The following DGKI variants were observed in gnomAD, a reference collection of about 807,000 sequenced individuals.
The protein encoded by DGKI is DAG kinase iota.
A neutral mutation model predicts 147.5 loss-of-function variants in DGKI; 55 were observed. The observed-to-expected ratio is 0.37, with a 90% CI of 0.30 to 0.47. The LOEUF is 0.47. Ranked by LOEUF, DGKI falls within the 20% of genes least tolerant of loss-of-function variation. The pLI, the probability that DGKI is intolerant of heterozygous loss-of-function variation, is 1.00. For synonymous variants in DGKI, 469 were observed against 477.1 expected, an observed-to-expected ratio of 0.98 and a Z score of 0.22; for missense variants, 1,007 against 1,323.8, an observed-to-expected ratio of 0.76 and a Z score of 3.71.
intron 21 of DGKI, among the ~76,000 whole-genome samples, chr7:137,519,633 T>C (rs931569218): frequency 1.3e-5 from 2 of 152,106 alleles, no homozygotes; most frequent in Non-Finnish European, 2.9e-5. Flanking sequence ...ACCTCATATA[T>C]GGACTTAAGC....
intron 1 of DGKI, among the ~76,000 whole-genome samples, chr7:137,831,313 T>G (rs1440593430): frequency 6.6e-6 from 1 of 152,206 alleles, no homozygotes; most frequent in East Asian, 1.9e-4. Context: ...TGATCTGTAT[T>G]AGTCCGTTTT....
At chr7:137,424,199 T>C (rs1328848662) in intron 28 of DGKI, among the ~76,000 whole-genome samples, 2 of 152,228 alleles carry the variant, frequency 1.3e-5, no homozygotes, top group East Asian at 1.9e-4. Flanking sequence ...AGAAGAATTG[T>C]TATGTAAATG....
intron 1 of DGKI, chr7:137,843,250 G>A (rs1585560545): frequency 5.7e-6 from 1 of 174,366 alleles, no homozygotes; most frequent in Non-Finnish European, 1.1e-5. Context: ...TTATTGTACT[G>A]ACTTATATGG....
At chr7:137,629,037 A>G (rs7794996) in intron 6 of DGKI, among the ~76,000 whole-genome samples, 1 of 152,098 alleles carries the variant, frequency 6.6e-6, no homozygotes, top group Admixed American at 6.5e-5. Context: ...TATTCCTCCT[A>G]CCTCCAAAAC....
chr7:137,552,754 C>CA (rs60665502), intron 19 of DGKI, among the ~76,000 whole-genome samples, 186 bp from the exon 20 acceptor site: 5,524 of 120,048 alleles, frequency 0.046, 176 homozygotes, highest in South Asian at 0.091. Flanking sequence ...ACTAAAAATA[C>CA]AAAAAAAAAA....
At chr7:137,475,964 G>T (rs1815156507) in intron 23 of DGKI, among the ~76,000 whole-genome samples, 2 of 152,046 alleles carry the variant, frequency 1.3e-5, no homozygotes, top group Admixed American at 1.3e-4. Context: ...CAAATGGAAG[G>T]CTCAATTCAC....
chr7:137,562,895 C>A (rs1391243560), intron 19 of DGKI, among the ~76,000 whole-genome samples: 1 of 152,074 alleles, frequency 6.6e-6, no homozygotes, highest in African/African-American at 2.4e-5. Context: ...AAGAGAATGT[C>A]ATTTCTTGTC....
chr7:137,490,189 C>A (rs1397782446), intron 21 of DGKI, among the ~76,000 whole-genome samples: 3 of 152,124 alleles, frequency 2.0e-5, no homozygotes, highest in African/African-American at 7.2e-5. Flanking sequence ...AAGAAGGTGG[C>A]AATATGCAGT....
At position 137,766,193 on chromosome 7, in the gene DGKI, C is replaced by T. The variant is rs535508681; in HGVS notation, c.402-76191G>A. Among the ~76,000 whole-genome samples, 5 of 152,262 alleles carry T rather than the reference C, an allele frequency of 3.3e-5. No individual in the cohort carries two copies. The South Asian group carries it at 1.0e-3, about 32-fold the overall frequency. On this transcript the variant is annotated intron_variant, in intron 1 of 32. Coordinates refer to ENST00000614521, the MANE Select transcript of DGKI (RefSeq NM_001321708.2). ...GCTCAAACAGAATGAAAAGTGAACC[C>T]TCCCGTTATTCTGAGACAAATATCA...
chr7:137,423,237 G>T (rs1812650444), intron 28 of DGKI, among the ~76,000 whole-genome samples: 1 of 152,170 alleles, frequency 6.6e-6, no homozygotes, highest in South Asian at 2.1e-4. Context: ...GAAAAGTGCT[G>T]CTGGCCTGTA....
chr7:137,472,363 C>CAT (rs1230206631), intron 23 of DGKI, among the ~76,000 whole-genome samples: 984 of 73,034 alleles, frequency 0.013, 168 homozygotes, highest in African/African-American at 0.06. Flanking sequence ...TGTATATATA[C>CAT]ATATAATTAT....
At chr7:137,683,454 C>T (rs770758136) in intron 2 of DGKI, among the ~76,000 whole-genome samples, 1 of 152,124 alleles carries the variant, frequency 6.6e-6, no homozygotes, top group Non-Finnish European at 1.5e-5. Flanking sequence ...CAGCTCACTG[C>T]AGCCTCAAAC....
At chr7:137,721,247 AC>A (rs2116615739) in intron 1 of DGKI, among the ~76,000 whole-genome samples, 1 of 152,334 alleles carries the variant, frequency 6.6e-6, no homozygotes, top group East Asian at 1.9e-4. Flanking sequence ...CCTACTACAA[AC>A]AATCCTACAA....
chr7:137,775,964 T>C (rs1215683398), intron 1 of DGKI, among the ~76,000 whole-genome samples: 2 of 152,116 alleles, frequency 1.3e-5, no homozygotes, highest in Non-Finnish European at 2.9e-5. Flanking sequence ...GTTCAAGCGA[T>C]TCTCCTGCTT....
intron 20 of DGKI, 33 bp downstream of exon 20, chr7:137,552,336 A>G (rs780263621): frequency 6.2e-7 from 1 of 1,610,462 alleles, no homozygotes; most frequent in South Asian, 1.1e-5. Context: ...CAAGGTCTTC[A>G]TGTTAAGCAA....
At chr7:137,711,493 T>C (rs537352034) in intron 1 of DGKI, among the ~76,000 whole-genome samples, 4 of 152,266 alleles carry the variant, frequency 2.6e-5, no homozygotes, top group African/African-American at 9.6e-5. Flanking sequence ...AAAGTGTTAA[T>C]TGCAGATTGC....
rs954743154 is a variant in DGKI, at chr7:137,582,434, C to CTCTA, written c.1564-507_1564-506insTAGA. ...CCATTTTCTCTCTCTCTCTCTCTCT[C>CTCTA]TATATATATATATATATACACACAC... On this transcript the variant is annotated intron_variant, in intron 14 of 32. Coordinates refer to ENST00000614521, the MANE Select transcript of DGKI (RefSeq NM_001321708.2). 7.4e-3 allele frequency among the ~76,000 whole-genome samples: 1,101 copies of CTCTA among 148,424 alleles called. 18 individuals are homozygous for CTCTA. The highest frequency in any genetic ancestry group is 0.026 in the African/African-American group (1,029 of 40,116).
At chr7:137,440,279 G>T (rs1285450025) in intron 28 of DGKI, among the ~76,000 whole-genome samples, 3 of 152,180 alleles carry the variant, frequency 2.0e-5, no homozygotes, top group Non-Finnish European at 4.4e-5. Context: ...GGTTTAGCAT[G>T]GCAGGTTTCC....
chr7:137,413,137 C>G (rs955893346), intron 28 of DGKI, among the ~76,000 whole-genome samples: 1 of 151,930 alleles, frequency 6.6e-6, no homozygotes, highest in African/African-American at 2.4e-5. Context: ...AGAGTGGTGG[C>G]ACACCTGTAA....
Sources: gnomAD v4.1 joint callset for allele counts (sites outside exome capture counted in the v4.1 genomes callset) on GRCh38, gnomAD v4.1.1 for gene constraint, MANE v1.5 for transcripts, NCBI Gene and HGNC (gene_info 2026-07-23, HGNC 2026-07-21) for gene names.